MBNL3: variants seen among roughly 807,000 people sequenced by gnomAD.
MBNL3 encodes the protein muscleblind like splicing regulator 3.
In MBNL3, 6 loss-of-function variants were observed where a neutral mutation model predicts 24.5. The ratio of observed to expected loss-of-function variants is 0.25; its 90% CI spans 0.13 to 0.48. The LOEUF (loss-of-function observed/expected upper bound fraction) is 0.48, where lower values mean the gene tolerates loss of function less well. Ranked by LOEUF, MBNL3 falls within the 20% of genes least tolerant of loss-of-function variation. The pLI, the probability that MBNL3 is intolerant of heterozygous loss-of-function variation, is 0.99. For missense variants in MBNL3, 230 were observed against 293.5 expected, an observed-to-expected ratio of 0.78 and a Z score of 1.58; for synonymous variants, 100 against 101.7, an observed-to-expected ratio of 0.98 and a Z score of 0.10.
At chrX:132,399,442 G>A (rs1940455774) in intron 3 of MBNL3, among the ~76,000 whole-genome samples, 1 of 110,750 alleles carries the variant, frequency 9.0e-6, no homozygotes, top group Non-Finnish European at 1.9e-5. Context: ...CTAAAAAAAA[G>A]TGATTTAGTG....
At chrX:132,390,028 A>G (rs1476108250) in intron 5 of MBNL3, among the ~76,000 whole-genome samples, 2 of 108,736 alleles carry the variant, frequency 1.8e-5, no homozygotes, top group African/African-American at 6.7e-5. Flanking sequence ...CCCGGCCTCT[A>G]TAAAAACTAC....
intron 2 of MBNL3, among the ~76,000 whole-genome samples, chrX:132,414,947 G>C (rs1313564697): frequency 9.0e-6 from 1 of 111,620 alleles, no homozygotes; most frequent in African/African-American, 3.3e-5. Flanking sequence ...TGATTGCAAA[G>C]TAACATCCCA....
chrX:132,489,462 G>A (rs750120952), upstream of MBNL3, among the ~76,000 whole-genome samples: 2 of 111,407 alleles, frequency 1.8e-5, no homozygotes, highest in Non-Finnish European at 1.9e-5. Flanking sequence ...CGGGCTCGCA[G>A]CTACCATAGC....
Position 132,406,386 on chromosome X carries a change from A to C in MBNL3, c.184T>G (p.Cys62Gly). Residue 62 changes from cysteine (C) to glycine (G), a missense_variant, in exon 3 of 9, where the codon TGT becomes GGT. By Grantham distance (159) the Cys-to-Gly change is radical. Coordinates refer to ENST00000370853, the MANE Select transcript of MBNL3 (RefSeq NM_001386889.1). ...AGGTACTTGCAGTTCTCTCGGGTAC[A>C]CCGACCCTGACAATGAAGAATAGGG... ...VACFDSLKGRCTRENCKYLHP... is the reference protein window; with the variant it reads ...VACFDSLKGRGTRENCKYLHP... The C allele has an allele frequency of 8.5e-7, 1 of 1,183,296 alleles. No individual in the cohort carries two copies. The highest frequency in any genetic ancestry group is 1.1e-6 in the Non-Finnish European group (1 of 881,186).
chrX:132,461,918 G>A (rs1946647872), intron 1 of MBNL3, among the ~76,000 whole-genome samples: 1 of 111,756 alleles, frequency 8.9e-6, no homozygotes, highest in South Asian at 3.7e-4. Context: ...GCTTTTTATA[G>A]GAAGTTGAGT....
chrX:132,455,625 T>A (rs1474949441), intron 1 of MBNL3, among the ~76,000 whole-genome samples: 1 of 111,963 alleles, frequency 8.9e-6, no homozygotes, highest in East Asian at 2.8e-4. Context: ...TAATTTCATC[T>A]TATCTGATAT....
At chrX:132,418,965 G>T (rs1395398662) in intron 2 of MBNL3, among the ~76,000 whole-genome samples, 1 of 111,905 alleles carries the variant, frequency 8.9e-6, no homozygotes, top group Non-Finnish European at 1.9e-5. Flanking sequence ...GTAACGATGG[G>T]GTTTCCCCGT....
At chrX:132,381,436 T>C (rs756996892) in intron 8 of MBNL3, 2 of 1,102,389 alleles carry the variant, frequency 1.8e-6, no homozygotes, top group Admixed American at 2.4e-5. Flanking sequence ...GGGGTATCTA[T>C]AGTAGTAAAA....
Position 132,377,945 on chromosome X carries a change from G to T in MBNL3, c.*1721C>A, listed in dbSNP as rs184971307. On this transcript the variant is annotated 3_prime_UTR_variant, in exon 9 of 9. Coordinates refer to ENST00000370853, the MANE Select transcript of MBNL3 (RefSeq NM_001386889.1). Reference sequence around the variant, plus strand: ...CCACTGTATAATAACATTAATAAATGAGTAGAGTGGATGAGATATGTCACA... The same window carrying T: ...CCACTGTATAATAACATTAATAAATTAGTAGAGTGGATGAGATATGTCACA... 13 of 110,372 alleles carry T rather than the reference G, an allele frequency of 1.2e-4. No individual in the cohort carries two copies. The highest frequency in any genetic ancestry group is 3.9e-4 in the Admixed American group (4 of 10,265). The allele number at this position is 110,372 out of a possible 1,213,427, so 9.1% of individuals were successfully genotyped here.
At position 132,454,226 on chromosome X, in the gene MBNL3, A is replaced by AAC. The variant is rs762548671; in HGVS notation, c.-703-13914_-703-13913dup. Among the ~76,000 whole-genome samples the AAC allele has an allele frequency of 7.2e-3, 770 of 106,475 alleles. 3 individuals carry two copies. The highest frequency in any genetic ancestry group is 0.015 in the South Asian group (38 of 2,508). 92.5% of individuals were successfully genotyped at this position (106,475 alleles called of 115,157 possible). ...CATTCACTGTTCACCTCCCCATACCAACACACACACACACACACACATACA... is the reference window on the plus strand; with the variant it reads ...CATTCACTGTTCACCTCCCCATACCAACACACACACACACACACACACATACA... On this transcript the variant is annotated intron_variant, in intron 1 of 8. Coordinates refer to ENST00000370853, the MANE Select transcript of MBNL3 (RefSeq NM_001386889.1).
At chrX:132,466,266 C>A (rs959913196) in intron 1 of MBNL3, among the ~76,000 whole-genome samples, 1 of 112,022 alleles carries the variant, frequency 8.9e-6, no homozygotes, top group African/African-American at 3.2e-5. Flanking sequence ...TTCAGTAATG[C>A]CTTGAAGGAT....
chrX:132,411,017 T>C (rs1942650662), intron 2 of MBNL3, among the ~76,000 whole-genome samples: 1 of 112,401 alleles, frequency 8.9e-6, no homozygotes, highest in South Asian at 3.7e-4. Flanking sequence ...CTTAAAATTC[T>C]GCATACAACT....
rs778484943 is a variant in MBNL3 at position 132,455,930 on chromosome X, A to G, written c.-703-15616T>C. On this transcript the variant is annotated intron_variant, in intron 1 of 8. Transcript: ENST00000370853. The stretch of plus-strand genomic sequence containing the variant: ...ACACCCTTGTTCAGTTTCAGAGAAC[A>G]ACATCTTCTTTGCACACATGGTTTT... Among the ~76,000 whole-genome samples the G allele has an allele frequency of 3.6e-5, 4 of 112,178 alleles. No individual in the cohort carries two copies. In the South Asian group the frequency reaches 1.5e-3, roughly 42 times the overall value.
intron 2 of MBNL3, chrX:132,432,876 G>T (rs868304315): frequency 9.0e-6 from 1 of 110,731 alleles, no homozygotes; most frequent in African/African-American, 3.3e-5. Flanking sequence ...AGCAAATAAT[G>T]TATGAAAAAT....
At position 132,412,446 on chromosome X, in the gene MBNL3, G is replaced by A. The variant is rs1354807877; in HGVS notation, c.178-6054C>T. 2.7e-5 allele frequency among the ~76,000 whole-genome samples: 3 copies of A among 112,421 alleles called. No homozygotes were observed. In the East Asian group the frequency reaches 8.4e-4, roughly 31 times the overall value. Reference sequence around the variant, plus strand: ...AATTCCCTGAAGCTACTAAGACAAAGGTGGCTTTAGGAAAATCACAGCAGG... The same window carrying A: ...AATTCCCTGAAGCTACTAAGACAAAAGTGGCTTTAGGAAAATCACAGCAGG... On this transcript the variant is annotated intron_variant, in intron 2 of 8. Coordinates refer to ENST00000370853, the MANE Select transcript of MBNL3 (RefSeq NM_001386889.1).
intron 2 of MBNL3, among the ~76,000 whole-genome samples, chrX:132,436,388 C>T (rs1945118869): frequency 8.9e-6 from 1 of 112,060 alleles, no homozygotes; most frequent in South Asian, 3.7e-4. Context: ...AACATTCCCT[C>T]ATTATGAGGT....
chrX:132,439,423 G>A lies in MBNL3; in HGVS notation c.177+12C>T. 8.7e-7 allele frequency: 1 copy of A among 1,151,522 alleles called. No homozygotes were observed. The highest frequency in any genetic ancestry group is 3.2e-5 in the East Asian group (1 of 31,436). 94.9% of individuals were successfully genotyped at this position (1,151,522 alleles called of 1,213,427 possible). ...AACAAATTTAAATTATGTGCATTCAGATGGGACTCACCTTTAGAGAATCAA... is the reference window on the plus strand; with the variant it reads ...AACAAATTTAAATTATGTGCATTCAAATGGGACTCACCTTTAGAGAATCAA... On this transcript the variant is annotated intron_variant, in intron 2 of 8. Transcript: ENST00000370853.
At chrX:132,444,542 GT>G (rs1945591079) in intron 1 of MBNL3, among the ~76,000 whole-genome samples, 1 of 111,579 alleles carries the variant, frequency 9.0e-6, no homozygotes, top group Admixed American at 9.5e-5. Flanking sequence ...TCTTTGGAAT[GT>G]TTTTGCTCAA....
chrX:132,434,459 G>GT (rs746001856), intron 2 of MBNL3, among the ~76,000 whole-genome samples: 93 of 112,359 alleles, frequency 8.3e-4, no homozygotes, highest in African/African-American at 2.7e-3. Context: ...GGGGGACATA[G>GT]TTATCAGTTT....
Sources: allele counts gnomAD v4.1 joint callset (sites outside exome capture counted in the v4.1 genomes callset), GRCh38; gene constraint gnomAD v4.1.1; transcripts MANE v1.5; gene names NCBI Gene and HGNC (gene_info 2026-07-23, HGNC 2026-07-21).